Variants in GPER1 observed in about 807,000 individuals in gnomAD.
The protein encoded by GPER1 is G protein-coupled estrogen receptor 1.
In GPER1, 2 loss-of-function variants were observed where a neutral mutation model predicts 0.6. The ratio of observed to expected loss-of-function variants is 3.41; its 90% CI spans 1.39 to 10.72. The LOEUF (loss-of-function observed/expected upper bound fraction) is 10.72, where lower values mean the gene tolerates loss of function less well. GPER1 is among the 30% of genes most tolerant of loss of function. The probability of loss-of-function intolerance (pLI) is 0.04; values close to 1 mark genes in which losing one functional copy is unlikely to be tolerated. For missense variants in GPER1, 441 were observed against 535.2 expected (o/e 0.82, Z 1.74); for synonymous variants, 263 against 247.6 (o/e 1.06, Z -0.58).
Position 1,093,381 on chromosome 7 carries a change from G to T in GPER1, c.*525G>T. The T allele has an allele frequency of 2.3e-6, 1 of 440,798 alleles. No individual in the cohort carries two copies. Among genetic ancestry groups the T allele is most frequent in the South Asian group, 1.7e-5 (1 of 60,272 alleles). 27.3% of individuals were successfully genotyped at this position (440,798 alleles called of 1,614,324 possible). A position where few individuals can be genotyped will look rare whatever the true frequency, so the allele number is the denominator to read the frequency against. On this transcript the variant is annotated 3_prime_UTR_variant, in exon 2 of 2. Coordinates refer to ENST00000397088, the MANE Select transcript of GPER1 (RefSeq NM_001098201.3). ...GGTCTGAGCTAGCTAGCGCACCGCC[G>T]AGTTAAAGAGGAGAAGGAAAACATG...
rs1583793782 is a variant in GPER1, at chr7:1,092,522, T to C, written c.794T>C (p.Val265Ala). 6.2e-7 allele frequency: 1 copy of C among 1,608,264 alleles called. No individual in the cohort carries two copies. Among genetic ancestry groups the C allele is most frequent in the Non-Finnish European group, 8.5e-7 (1 of 1,179,938 alleles). The change falls in exon 2 of 2, where the codon GTG becomes GCG. Residue 265 changes from valine to alanine, a missense_variant. Val to Ala is a moderately conservative substitution (Grantham distance 64, BLOSUM62 0). Transcript: ENST00000397088. ...GCGCTCCGCATGATCCTCGCGGTGG[T>C]GCTGGTCTTCTTCGTCTGCTGGCTG... ...QKALRMILAV[V>A]LVFFVCWLPE...
In GPER1 at chr7:1,092,736, G is replaced by A. The variant is rs761512963; in HGVS notation, c.1008G>A (p.Arg336=). The A allele has an allele frequency of 5.0e-6, 8 of 1,613,490 alleles. No homozygotes were observed. In the Admixed American group the frequency reaches 6.7e-5, roughly 13 times the overall value. ...FLGETFRDKL[R]LYIEQKTNLP... ...GGGAGACCTTCAGGGACAAGCTGAGGCTGTACATTGAGCAGAAAACAAATT... is the reference window on the plus strand; with the variant it reads ...GGGAGACCTTCAGGGACAAGCTGAGACTGTACATTGAGCAGAAAACAAATT... The change falls in exon 2 of 2, where the codon AGG becomes AGA. Residue 336 remains arginine (R), a synonymous_variant. Coordinates refer to ENST00000397088, the MANE Select transcript of GPER1 (RefSeq NM_001098201.3).
At chr7:1,090,066 CA>C (rs59249705) in intron 1 of GPER1, among the ~76,000 whole-genome samples, 72 of 134,852 alleles carry the variant, frequency 5.3e-4, no homozygotes, top group Non-Finnish European at 3.9e-4. Flanking sequence ...CCTGGGTGAC[CA>C]AAAAAAAAAA....
chr7:1,093,636 G>T lies in GPER1; in HGVS notation c.*780G>T, dbSNP rs1466849039. 1 of 471,298 alleles carries T rather than the reference G, an allele frequency of 2.1e-6. No homozygotes were observed. The highest frequency in any genetic ancestry group is 1.5e-5 in the South Asian group (1 of 64,574). The allele number at this position is 471,298 out of a possible 1,614,324, so 29.2% of individuals were successfully genotyped here. On this transcript the variant is annotated 3_prime_UTR_variant, in exon 2 of 2. Coordinates refer to ENST00000397088, the MANE Select transcript of GPER1 (RefSeq NM_001098201.3). ...ACCGTGCGAGCTGCCGTGTGGGTTAGTCGGGTGCCAGGACAATGAAATACT... is the reference window on the plus strand; with the variant it reads ...ACCGTGCGAGCTGCCGTGTGGGTTATTCGGGTGCCAGGACAATGAAATACT...
chr7:1,093,682 A>AT lies in GPER1; in HGVS notation c.*829dup, dbSNP rs1563105255. 4.3e-6 allele frequency: 2 copies of AT among 469,640 alleles called. No homozygotes were observed. Among genetic ancestry groups the AT allele is most frequent in the Non-Finnish European group, 8.9e-6 (2 of 225,704 alleles). The allele number at this position is 469,640 out of a possible 1,614,324, so 29.1% of individuals were successfully genotyped here. On this transcript the variant is annotated 3_prime_UTR_variant, in exon 2 of 2. Coordinates refer to ENST00000397088, the MANE Select transcript of GPER1 (RefSeq NM_001098201.3). ...ATACTCCAGCACCTGTGGCTGACGAATTTGTTTCTACAGAAATAACAGCTG... is the reference window on the plus strand; with the variant it reads ...ATACTCCAGCACCTGTGGCTGACGAATTTTGTTTCTACAGAAATAACAGCTG...
At chr7:1,091,201 G>A (rs1787942031) in intron 1 of GPER1, among the ~76,000 whole-genome samples, 1 of 152,190 alleles carries the variant, frequency 6.6e-6, no homozygotes, top group Non-Finnish European at 1.5e-5. Flanking sequence ...GGACCTGCAG[G>A]AAAGAAGGCC....
Position 1,092,175 on chromosome 7 carries a change from C to T in GPER1, c.447C>T (p.Thr149=). The part of the protein sequence containing the change: ...VNMYSSVFFL[T]WMSFDRYIAL... ...TGTACAGCAGCGTCTTCTTCCTCAC[C>T]TGGATGAGCTTCGACCGCTACATCG... Residue 149 remains threonine, a synonymous_variant, in exon 2 of 2, where the codon ACC becomes ACT. Coordinates refer to ENST00000397088, the MANE Select transcript of GPER1 (RefSeq NM_001098201.3). 2 of 1,613,434 alleles carry T rather than the reference C, an allele frequency of 1.2e-6. No individual in the cohort carries two copies. Among genetic ancestry groups the T allele is most frequent in the Non-Finnish European group, 1.7e-6 (2 of 1,180,010 alleles).
In GPER1 at chr7:1,092,234, G is replaced by A. The variant is rs1343278446; in HGVS notation, c.506G>A (p.Arg169His). 10 of 1,612,472 alleles carry A rather than the reference G, an allele frequency of 6.2e-6. No individual in the cohort carries two copies. Among genetic ancestry groups the A allele is most frequent in the South Asian group, 2.2e-5 (2 of 91,088 alleles). Reference sequence around the variant, plus strand: ...AGGGCCATGCGCTGCAGCCTGTTCCGCACCAAGCACCACGCCCGGCTGAGC... The same window carrying A: ...AGGGCCATGCGCTGCAGCCTGTTCCACACCAAGCACCACGCCCGGCTGAGC... Reference protein sequence around the residue: ...LARAMRCSLFRTKHHARLSCG... With the variant: ...LARAMRCSLFHTKHHARLSCG... Residue 169 changes from arginine (R) to histidine (H), a missense_variant, in exon 2 of 2, where the codon CGC becomes CAC. Arg to His is a conservative substitution (Grantham distance 29, BLOSUM62 0). Transcript: ENST00000397088.
chr7:1,091,494 C>A lies in GPER1; in HGVS notation c.-235C>A. ...CCCGCCGGACGAGCACGCGGAGGGC[C>A]CTCGCCTCCACGGATGCACCATGCC... is the stretch of plus-strand genomic sequence containing the variant. On this transcript the variant is annotated 5_prime_UTR_variant, in exon 2 of 2. Coordinates refer to ENST00000397088, the MANE Select transcript of GPER1 (RefSeq NM_001098201.3). The A allele has an allele frequency of 1.9e-6, 1 of 514,992 alleles. No homozygotes were observed. The allele number at this position is 514,992 out of a possible 1,614,324, so 31.9% of individuals were successfully genotyped here.
chr7:1,092,661 C>G lies in GPER1; in HGVS notation c.933C>G (p.Leu311=). 1 of 1,613,182 alleles carries G rather than the reference C, an allele frequency of 6.2e-7. No individual in the cohort carries two copies. The highest frequency in any genetic ancestry group is 8.5e-7 in the Non-Finnish European group (1 of 1,180,006). The change falls in exon 2 of 2, where the codon CTC becomes CTG. Residue 311 remains leucine (L), a synonymous_variant. Transcript: ENST00000397088. Reference sequence around the variant, plus strand: ...CCCTCACGGGCCACATTGTCAACCTCGCCGCCTTCTCCAACAGCTGCCTAA... The same window carrying G: ...CCCTCACGGGCCACATTGTCAACCTGGCCGCCTTCTCCAACAGCTGCCTAA... The part of the protein sequence containing the change: ...AHPLTGHIVN[L]AAFSNSCLNP...
Position 1,090,434 on chromosome 7 carries a change from G to C in GPER1, c.-322-973G>C, listed in dbSNP as rs376183036. 5.4e-3 allele frequency among the ~76,000 whole-genome samples: 819 copies of C among 151,688 alleles called. 7 individuals are homozygous for C. The highest frequency in any genetic ancestry group is 0.019 in the African/African-American group (776 of 41,314). On this transcript the variant is annotated intron_variant, in intron 1 of 1. Transcript: ENST00000397088. ...AGAGCCGGGGTGACACGGGGCAGGT[G>C]ACAGGACCTCCCCACTCGCAGCAGG... is the stretch of plus-strand genomic sequence containing the variant.
Position 1,088,548 on chromosome 7 carries a change from T to C in GPER1, c.-323+227T>C, listed in dbSNP as rs990668072. 2.0e-5 allele frequency among the ~76,000 whole-genome samples: 3 copies of C among 152,140 alleles called. No homozygotes were observed. Among genetic ancestry groups the C allele is most frequent in the Admixed American group, 2.0e-4 (3 of 15,282 alleles). On this transcript the variant is annotated intron_variant, in intron 1 of 1. Coordinates refer to ENST00000397088, the MANE Select transcript of GPER1 (RefSeq NM_001098201.3). The surrounding 1 kb of genome is among the most constrained non-coding windows in gnomAD (Gnocchi z 4.5). ...CAGCAGGGGCTTTGCCTGGACGGCC[T>C]TTCTAACTCGTGCTGAAAGCAGGAC...
chr7:1,092,820 C>T lies in GPER1; in HGVS notation c.1092C>T (p.Thr364=), dbSNP rs10246354. Residue 364 remains threonine (T), a synonymous_variant, in exon 2 of 2, where the codon ACC becomes ACT. Transcript: ENST00000397088. ...AALKAVIPDS[T]EQSDVRFSSA... ...TGAAGGCCGTCATTCCAGACAGCAC[C>T]GAGCAGTCGGATGTGAGGTTCAGCA... 0.22 allele frequency: 349,536 copies of T among 1,612,638 alleles called. 39,989 individuals are homozygous for T. Among genetic ancestry groups the T allele is most frequent in the Middle Eastern group, 0.3 (1,792 of 6,062 alleles).
chr7:1,093,384 T>C lies in GPER1; in HGVS notation c.*528T>C, dbSNP rs1563104460. 2.3e-6 allele frequency: 1 copy of C among 442,802 alleles called. No individual in the cohort carries two copies. Among genetic ancestry groups the C allele is most frequent in the Non-Finnish European group, 4.8e-6 (1 of 209,790 alleles). 27.4% of individuals were successfully genotyped at this position (442,802 alleles called of 1,614,324 possible). A position where few individuals can be genotyped will look rare whatever the true frequency, so the allele number is the denominator to read the frequency against. ...CTGAGCTAGCTAGCGCACCGCCGAG[T>C]TAAAGAGGAGAAGGAAAACATGCTG... On this transcript the variant is annotated 3_prime_UTR_variant, in exon 2 of 2. Coordinates refer to ENST00000397088, the MANE Select transcript of GPER1 (RefSeq NM_001098201.3).
chr7:1,092,285 T>A lies in GPER1; in HGVS notation c.557T>A (p.Val186Glu). 1 of 1,611,918 alleles carries A rather than the reference T, an allele frequency of 6.2e-7. No homozygotes were observed. The highest frequency in any genetic ancestry group is 8.5e-7 in the Non-Finnish European group (1 of 1,179,784). ...TGTGGCCTCATCTGGATGGCATCCG[T>A]GTCAGCCACGCTGGTGCCCTTCACC... Reference protein sequence around the residue: ...LSCGLIWMASVSATLVPFTAV... With the variant: ...LSCGLIWMASESATLVPFTAV... The change falls in exon 2 of 2, where the codon GTG becomes GAG. Residue 186 changes from valine (V) to glutamate (E), a missense_variant. Val to Glu is a moderately radical substitution (Grantham distance 121). Coordinates refer to ENST00000397088, the MANE Select transcript of GPER1 (RefSeq NM_001098201.3).
chr7:1,092,959 A>C lies in GPER1; in HGVS notation c.*103A>C. On this transcript the variant is annotated 3_prime_UTR_variant, in exon 2 of 2. Coordinates refer to ENST00000397088, the MANE Select transcript of GPER1 (RefSeq NM_001098201.3). ...CGTCATGTCTCTAAACTGCGGTCAG[A>C]TGTGGCTTCTGGCTCCTCGGGGCCT... The C allele has an allele frequency of 8.8e-7, 1 of 1,142,512 alleles. No homozygotes were observed. The allele number at this position is 1,142,512 out of a possible 1,614,324, so 70.8% of individuals were successfully genotyped here.
At chr7:1,090,151 C>T (rs1787810527) in intron 1 of GPER1, among the ~76,000 whole-genome samples, 1 of 152,156 alleles carries the variant, frequency 6.6e-6, no homozygotes, top group Admixed American at 6.6e-5. Flanking sequence ...AACTCAAACC[C>T]ATTTTGAAGT....
At chr7:1,091,217 C>T (rs969900570) in intron 1 of GPER1, among the ~76,000 whole-genome samples, 190 bp from the exon 2 acceptor site, 1 of 152,226 alleles carries the variant, frequency 6.6e-6, no homozygotes, top group Non-Finnish European at 1.5e-5. Context: ...AGGCCATGTA[C>T]TTCCCACAGG....
At position 1,092,848 on chromosome 7, in the gene GPER1, G is replaced by A. The variant is rs1319499784; in HGVS notation, c.1120G>A (p.Ala374Thr). The change falls in exon 2 of 2, where the codon GCC becomes ACC. Residue 374 changes from alanine (A) to threonine (T), a missense_variant. Transcript: ENST00000397088. ...GCAGTCGGATGTGAGGTTCAGCAGTGCCGTGTAGACAGCCTTGGCCGCATA... is the reference window on the plus strand; with the variant it reads ...GCAGTCGGATGTGAGGTTCAGCAGTACCGTGTAGACAGCCTTGGCCGCATA... ...TEQSDVRFSS[A>T]V The A allele has an allele frequency of 1.2e-6, 2 of 1,612,154 alleles. No individual in the cohort carries two copies. The highest frequency in any genetic ancestry group is 1.3e-5 in the African/African-American group (1 of 74,932).
Sources: gnomAD v4.1 joint callset for allele counts (sites outside exome capture counted in the v4.1 genomes callset) on GRCh38, gnomAD v4.1.1 for gene constraint, Gnocchi (gnomAD v3.1) non-coding constraint, MANE v1.5 for transcripts, NCBI Gene and HGNC (gene_info 2026-07-23, HGNC 2026-07-21) for gene names.